The following PDP1 variants were observed in gnomAD, a reference collection of about 807,000 sequenced individuals.
PDP1 encodes pyruvate dehyrogenase phosphatase catalytic subunit 1.
A neutral mutation model predicts 37.1 loss-of-function variants in PDP1; 14 were observed. The observed-to-expected ratio is 0.38, with a 90% confidence interval of 0.25 to 0.59. The LOEUF is 0.59. Ranked by LOEUF, PDP1 falls within the 20% of genes least tolerant of loss-of-function variation. The probability of loss-of-function intolerance (pLI) is 0.67; values close to 1 mark genes in which losing one functional copy is unlikely to be tolerated. For synonymous variants in PDP1, 251 were observed against 243.3 expected, an observed-to-expected ratio of 1.03 and a Z score of -0.29; for missense variants, 544 against 655.3, an observed-to-expected ratio of 0.83 and a Z score of 1.85.
Position 93,923,046 on chromosome 8 carries a change from T to C in PDP1, c.987T>C (p.His329=). 6.2e-7 allele frequency: 1 copy of C among 1,614,134 alleles called. No individual in the cohort carries two copies. The highest frequency in any genetic ancestry group is 8.5e-7 in the Non-Finnish European group (1 of 1,180,026). ...ERELERLKLE[H]PKSEAKSVVK... ...AACTAGAACGGCTGAAATTGGAACA[T>C]CCAAAGAGTGAGGCCAAGAGTGTCG... The change falls in exon 2 of 2, where the codon CAT becomes CAC. Residue 329 remains histidine, a synonymous_variant. Transcript: ENST00000297598. The surrounding 1 kb of genome is among the most constrained non-coding windows in gnomAD (Gnocchi z 4.3).
At chr8:93,919,505 C>G (rs1200725629) in intron 1 of PDP1, among the ~76,000 whole-genome samples, 4 of 119,896 alleles carry the variant, frequency 3.3e-5, no homozygotes, top group East Asian at 3.0e-4. Flanking sequence ...CTCCCCCCCC[C>G]CGGCAAAAAA....
intron 1 of PDP1, chr8:93,918,057 G>A: frequency 8.4e-7 from 1 of 1,184,998 alleles, no homozygotes; most frequent in Admixed American, 2.2e-5. Flanking sequence ...GAGATAGATT[G>A]GAAAAAGGGA....
At chr8:93,917,785 T>TCCCGCCTC (rs1810125663) in intron 1 of PDP1, 1 of 1,485,556 alleles carries the variant, frequency 6.7e-7, no homozygotes, top group Non-Finnish European at 9.1e-7. Context: ...CCTCCTCCGC[T>TCCCGCCTC]CCCGCCTCCC....
rs1444082593 is a variant in PDP1, at chr8:93,922,490, A to G, written c.431A>G (p.Asp144Gly). Residue 144 changes from aspartate (D) to glycine (G), a missense_variant, in exon 2 of 2, where the codon GAT becomes GGT. By Grantham distance (94) the Asp-to-Gly change is moderately conservative. Transcript: ENST00000297598. This position sits in a 1 kb window ranked among gnomAD's most constrained non-coding sequence, Gnocchi z 4.0. Reference protein sequence around the residue: ...QTRGMLLGVFDGHAGCACSQA... With the variant: ...QTRGMLLGVFGGHAGCACSQA... ...AGAGGGATGCTTTTGGGGGTTTTTG[A>G]TGGCCATGCAGGTTGTGCTTGTTCC... is the stretch of plus-strand genomic sequence containing the variant. The G allele has an allele frequency of 1.9e-6, 3 of 1,613,968 alleles. No homozygotes were observed. The African/African-American group carries it at 4.0e-5, about 22-fold the overall frequency.
rs1477730137 is a variant in PDP1, at chr8:93,925,626, G to A, written c.*1953G>A. On this transcript the variant is annotated 3_prime_UTR_variant, in exon 2 of 2. Coordinates refer to ENST00000297598, the MANE Select transcript of PDP1 (RefSeq NM_018444.4). Reference sequence around the variant, plus strand: ...ACACAAGAAACTTGGTCTGCAGTCTGGAAGCTTGTCTGCTCTATAGAAATG... The same window carrying A: ...ACACAAGAAACTTGGTCTGCAGTCTAGAAGCTTGTCTGCTCTATAGAAATG... 4 of 166,934 alleles carry A rather than the reference G, an allele frequency of 2.4e-5. No individual in the cohort carries two copies. Among genetic ancestry groups the A allele is most frequent in the South Asian group, 2.1e-4 (1 of 4,836 alleles). 10.3% of individuals were successfully genotyped at this position (166,934 alleles called of 1,614,324 possible).
intron 1 of PDP1, chr8:93,917,675 G>C (rs1810118519): frequency 1.2e-6 from 1 of 844,482 alleles, no homozygotes; most frequent in African/African-American, 1.7e-5. Context: ...GGGTGGGTTG[G>C]TTTGGTTGGC....
intron 1 of PDP1, chr8:93,919,220 A>T: frequency 1.5e-6 from 1 of 663,918 alleles, no homozygotes; most frequent in Non-Finnish European, 1.9e-6. Flanking sequence ...GCAGTCAATT[A>T]CAAAAGTAGA....
chr8:93,920,018 T>C (rs568481453), intron 1 of PDP1: 1 of 152,248 alleles, frequency 6.6e-6, no homozygotes, highest in Non-Finnish European at 1.5e-5. Flanking sequence ...TTTTCATTAG[T>C]GCATTTCAGA....
At chr8:93,918,101 C>G (rs1460849406) in intron 1 of PDP1, among the ~76,000 whole-genome samples, 1 of 152,138 alleles carries the variant, frequency 6.6e-6, no homozygotes, top group Admixed American at 6.6e-5. Flanking sequence ...GCTTTGATGT[C>G]TTTGTGAGTG....
At chr8:93,918,275 A>G (rs1810150833) in intron 1 of PDP1, among the ~76,000 whole-genome samples, 5 of 152,202 alleles carry the variant, frequency 3.3e-5, no homozygotes, top group Admixed American at 3.3e-4. Context: ...TAGAGTGTTT[A>G]ATGCAATCGG....
chr8:93,923,170 T>G lies in PDP1; in HGVS notation c.1111T>G (p.Ser371Ala). Reference protein sequence around the residue: ...SIDLQKRVIESGPDQLNDNEY... With the variant: ...SIDLQKRVIEAGPDQLNDNEY... ...TGACCTTCAAAAGAGAGTGATAGAA[T>G]CTGGCCCAGACCAGTTGAATGACAA... The change falls in exon 2 of 2, where the codon TCT (serine) becomes GCT (alanine). Residue 371 changes from serine to alanine, a missense_variant. Ser to Ala is a moderately conservative substitution (Grantham distance 99, BLOSUM62 1). Transcript: ENST00000297598. The surrounding 1 kb of genome is among the most constrained non-coding windows in gnomAD (Gnocchi z 4.3). 1 of 1,614,178 alleles carries G rather than the reference T, an allele frequency of 6.2e-7. No homozygotes were observed. Among genetic ancestry groups the G allele is most frequent in the South Asian group, 1.1e-5 (1 of 91,086 alleles).
chr8:93,917,867 C>G, intron 1 of PDP1: 6 of 1,613,800 alleles, frequency 3.7e-6, no homozygotes, highest in Non-Finnish European at 5.1e-6. Flanking sequence ...CTGCTGCTGC[C>G]CGCGCGGGTT....
At chr8:93,919,157 A>C in intron 1 of PDP1, 3 of 972,484 alleles carry the variant, frequency 3.1e-6, no homozygotes, top group Non-Finnish European at 3.7e-6. Context: ...AGTATTGTTA[A>C]AAGCACCTGC....
At chr8:93,919,813 A>C (rs1174960535) in intron 1 of PDP1, 2 of 152,204 alleles carry the variant, frequency 1.3e-5, no homozygotes, top group African/African-American at 4.8e-5. Context: ...ATGAGTTGAT[A>C]TGCTTTCTGC....
At position 93,923,822 on chromosome 8, in the gene PDP1, CTT is replaced by C; in HGVS notation, c.*151_*152del. On this transcript the variant is annotated 3_prime_UTR_variant, in exon 2 of 2. Transcript: ENST00000297598. The surrounding 1 kb of genome is among the most constrained non-coding windows in gnomAD (Gnocchi z 4.3). ...TAGCTAGTCAGGTACTCCAAATTGA[CTT>C]TGCAGCAGGGTGGCAGGGTCAGGAG... The C allele has an allele frequency of 1.3e-6, 1 of 745,790 alleles. No individual in the cohort carries two copies. The highest frequency in any genetic ancestry group is 1.6e-5 in the South Asian group (1 of 64,068). The allele number at this position is 745,790 out of a possible 1,614,324, so 46.2% of individuals were successfully genotyped here. A position where few individuals can be genotyped will look rare whatever the true frequency, so the allele number is the denominator to read the frequency against.
In PDP1 at chr8:93,923,161, G is replaced by A; in HGVS notation, c.1102G>A (p.Val368Met). The part of the protein sequence containing the change: ...FKWSIDLQKR[V>M]IESGPDQLND... ...ATGGAGCATTGACCTTCAAAAGAGA[G>A]TGATAGAATCTGGCCCAGACCAGTT... is the stretch of plus-strand genomic sequence containing the variant. The change falls in exon 2 of 2, where the codon GTG becomes ATG. Residue 368 changes from valine to methionine, a missense_variant. Val to Met is a conservative substitution (Grantham distance 21). This residue lies in a region of PDP1 where 35 missense variants were observed against 36.1 expected (regional missense o/e 0.97). Transcript: ENST00000297598. This position sits in a 1 kb window ranked among gnomAD's most constrained non-coding sequence, Gnocchi z 4.3. 1.2e-6 allele frequency: 2 copies of A among 1,614,214 alleles called. No individual in the cohort carries two copies. The highest frequency in any genetic ancestry group is 2.2e-5 in the South Asian group (2 of 91,088).
In PDP1 at chr8:93,922,887, G is replaced by A. The variant is rs779802119; in HGVS notation, c.828G>A (p.Val276=). ...RVAFSGATAC[V]AHVDGVDLHV... The stretch of plus-strand genomic sequence containing the variant: ...CATTTTCTGGAGCCACTGCTTGTGT[G>A]GCCCATGTGGATGGTGTTGACCTTC... The change falls in exon 2 of 2, where the codon GTG becomes GTA. Residue 276 remains valine, a synonymous_variant. Transcript: ENST00000297598. This position sits in a 1 kb window ranked among gnomAD's most constrained non-coding sequence, Gnocchi z 4.0. 1.9e-6 allele frequency: 3 copies of A among 1,614,224 alleles called. No homozygotes were observed. The South Asian group carries it at 3.3e-5, about 18-fold the overall frequency.
chr8:93,920,302 G>A (rs1164664935), intron 1 of PDP1, among the ~76,000 whole-genome samples: 1 of 152,072 alleles, frequency 6.6e-6, no homozygotes, highest in Non-Finnish European at 1.5e-5. Context: ...TTCAAAAAAG[G>A]TACATGAAAA....
At chr8:93,917,153 G>A (rs931251864) in intron 1 of PDP1, 74 bp downstream of exon 1, 3 of 419,252 alleles carry the variant, frequency 7.2e-6, no homozygotes, top group Non-Finnish European at 9.2e-6. Context: ...GTGAGGGGGC[G>A]CCGGGCGTGC....
Sources: allele counts gnomAD v4.1 joint callset (sites outside exome capture counted in the v4.1 genomes callset), GRCh38; gene constraint gnomAD v4.1.1; regional missense constraint gnomAD v4.1.1; non-coding constraint Gnocchi (gnomAD v3.1); transcripts MANE v1.5; gene names NCBI Gene and HGNC (gene_info 2026-07-23, HGNC 2026-07-21).